The following PIEZO2 variants were observed in gnomAD, a reference collection of about 807,000 sequenced individuals.
The protein encoded by PIEZO2 is piezo type mechanosensitive ion channel component 2, also known as piezo-type mechanosensitive ion channel component 2.
In PIEZO2, 172 loss-of-function variants were observed where a neutral mutation model predicts 337.3. That is an observed-to-expected ratio of 0.51 (90% CI 0.45 to 0.58). PIEZO2 has a LOEUF of 0.58. PIEZO2 is among the 20% of genes least tolerant of loss of function. The pLI, the probability that PIEZO2 is intolerant of heterozygous loss-of-function variation, is 0.00. For missense variants in PIEZO2, 3,028 were observed against 3,391.3 expected (o/e 0.89, Z 2.66); for synonymous variants, 1,251 against 1,228.5 (o/e 1.02, Z -0.38).
rs2036567928 is a variant in PIEZO2, at chr18:11,027,034, A to AT, written c.160+39092dup. On this transcript the variant is annotated intron_variant, in intron 2 of 55. Coordinates refer to ENST00000674853, the MANE Select transcript of PIEZO2 (RefSeq NM_001378183.1). The surrounding 1 kb of genome is among the most constrained non-coding windows in gnomAD (Gnocchi z 4.2). The stretch of plus-strand genomic sequence containing the variant: ...ATGAGACAAGACTCTGCCCAAAAGT[A>AT]TTTTATAAGCCAATTCATATGAAAT... 6.6e-6 allele frequency among the ~76,000 whole-genome samples: 1 copy of AT among 152,244 alleles called. No homozygotes were observed.
In PIEZO2 at chr18:10,853,215, C is replaced by T. The variant is rs1197631866; in HGVS notation, c.917+2138G>A. Among the ~76,000 whole-genome samples, 2 of 152,190 alleles carry T rather than the reference C, an allele frequency of 1.3e-5. No individual in the cohort carries two copies. The highest frequency in any genetic ancestry group is 2.9e-5 in the Non-Finnish European group (2 of 68,036). On this transcript the variant is annotated intron_variant, in intron 7 of 55. Transcript: ENST00000674853. This position sits in a 1 kb window ranked among gnomAD's most constrained non-coding sequence, Gnocchi z 4.2. ...AAGGGCTGGCAGGCCACTGTGCATG[C>T]AGACAGCCCACCCCCAGGGAAGAAT... is the stretch of plus-strand genomic sequence containing the variant.
In PIEZO2 at chr18:10,705,613, T is replaced by G. The variant is rs1351887938; in HGVS notation, c.5722A>C (p.Thr1908Pro). Residue 1908 changes from threonine (T) to proline (P), a missense_variant, in exon 41 of 56, where the codon ACT becomes CCT. Physicochemically the swap from Thr to Pro is conservative, Grantham distance 38. Coordinates refer to ENST00000674853, the MANE Select transcript of PIEZO2 (RefSeq NM_001378183.1). ...EPREAKEYEA[T>P]GYDVGAMGAE... ...CCCATGGCTCCCACATCGTACCCAGTGGCCTCGTACTCCTTGGCCTCCCTG... is the reference window on the plus strand; with the variant it reads ...CCCATGGCTCCCACATCGTACCCAGGGGCCTCGTACTCCTTGGCCTCCCTG... The G allele has an allele frequency of 6.5e-6, 10 of 1,537,182 alleles. No individual in the cohort carries two copies.
Position 11,009,884 on chromosome 18 carries a change from T to C in PIEZO2, c.161-30224A>G, listed in dbSNP as rs1332356665. Among the ~76,000 whole-genome samples the C allele has an allele frequency of 6.6e-6, 1 of 152,110 alleles. No individual in the cohort carries two copies. The highest frequency in any genetic ancestry group is 1.9e-4 in the East Asian group (1 of 5,174). ...GAGACACAAAGAGAAGACAGCCATC[T>C]GCGAGCCAAAGAGAGAGGCCTCAGG... On this transcript the variant is annotated intron_variant, in intron 2 of 55. Coordinates refer to ENST00000674853, the MANE Select transcript of PIEZO2 (RefSeq NM_001378183.1). The surrounding 1 kb of genome is among the most constrained non-coding windows in gnomAD (Gnocchi z 4.6).
intron 34 of PIEZO2, among the ~76,000 whole-genome samples, chr18:10,735,947 C>T (rs1329299785): frequency 2.0e-5 from 3 of 152,190 alleles, no homozygotes; most frequent in East Asian, 1.9e-4. Flanking sequence ...ATTTTCATCC[C>T]ATACATGACT....
chr18:11,046,061 A>G (rs1219813048), intron 2 of PIEZO2, among the ~76,000 whole-genome samples: 1 of 152,186 alleles, frequency 6.6e-6, no homozygotes, highest in Non-Finnish European at 1.5e-5. Flanking sequence ...GTATTTAAAA[A>G]TTCCCCAGGC....
chr18:10,823,389 G>T (rs548959198), intron 7 of PIEZO2, among the ~76,000 whole-genome samples: 1 of 151,602 alleles, frequency 6.6e-6, no homozygotes, highest in Non-Finnish European at 1.5e-5. Context: ...GACTTAAATT[G>T]TCCACTCAAC....
At chr18:10,936,979 G>A (rs1457932225) in intron 3 of PIEZO2, among the ~76,000 whole-genome samples, 4 of 152,164 alleles carry the variant, frequency 2.6e-5, no homozygotes, top group African/African-American at 9.7e-5. Context: ...GATCTGGGAA[G>A]TTTTTAAGCT....
intron 23 of PIEZO2, among the ~76,000 whole-genome samples, chr18:10,761,370 CA>C (rs1256055714): frequency 6.6e-6 from 1 of 152,180 alleles, no homozygotes; most frequent in African/African-American, 2.4e-5. Flanking sequence ...CTACTTCTCA[CA>C]ACTACACATC....
At chr18:10,683,430 A>T (rs1267546994) in intron 49 of PIEZO2, among the ~76,000 whole-genome samples, 1 of 152,242 alleles carries the variant, frequency 6.6e-6, no homozygotes, top group African/African-American at 2.4e-5. Flanking sequence ...AATGCACCCT[A>T]TGGATCTGCA....
chr18:10,863,163 T>C lies in PIEZO2; in HGVS notation c.493-5952A>G, dbSNP rs545199886. 5.9e-5 allele frequency among the ~76,000 whole-genome samples: 9 copies of C among 152,314 alleles called. No individual in the cohort carries two copies. The highest frequency in any genetic ancestry group is 1.9e-4 in the African/African-American group (8 of 41,556). ...TATTATTAAAAGTTAACAATTTATC[T>C]TAACAGAATGGGTTCATCTCAATAC... On this transcript the variant is annotated intron_variant, in intron 5 of 55. Coordinates refer to ENST00000674853, the MANE Select transcript of PIEZO2 (RefSeq NM_001378183.1). The surrounding 1 kb of genome is among the most constrained non-coding windows in gnomAD (Gnocchi z 4.3).
In PIEZO2 at chr18:10,682,416, T is replaced by G; in HGVS notation, c.7498-124A>C. On this transcript the variant is annotated intron_variant, in intron 49 of 55. Coordinates refer to ENST00000674853, the MANE Select transcript of PIEZO2 (RefSeq NM_001378183.1). The surrounding 1 kb of genome is among the most constrained non-coding windows in gnomAD (Gnocchi z 5.6). ...GGAACATGGATTTGGCCCTGAATCT[T>G]CTCTGTTCGCTCTGAAATGGGGATA... 3.5e-6 allele frequency: 3 copies of G among 848,860 alleles called. No individual in the cohort carries two copies. In the South Asian group the frequency reaches 5.5e-5, roughly 15 times the overall value. The allele number at this position is 848,860 out of a possible 1,614,324, so 52.6% of individuals were successfully genotyped here. A position where few individuals can be genotyped will look rare whatever the true frequency, so the allele number is the denominator to read the frequency against.
intron 5 of PIEZO2, among the ~76,000 whole-genome samples, chr18:10,866,342 G>A (rs1488394138): frequency 6.7e-6 from 1 of 150,016 alleles, no homozygotes; most frequent in East Asian, 2.0e-4. Context: ...ATGGAGTGCA[G>A]TGGCGTGACC....
intron 7 of PIEZO2, among the ~76,000 whole-genome samples, chr18:10,844,094 G>T (rs2041275406): frequency 6.6e-6 from 1 of 152,210 alleles, no homozygotes; most frequent in African/African-American, 2.4e-5. Flanking sequence ...AAGTCAGAGA[G>T]AATTGGGCTC....
intron 45 of PIEZO2, 102 bp downstream of exon 45, chr18:10,697,646 A>T: frequency 2.8e-6 from 4 of 1,441,020 alleles, no homozygotes; most frequent in Non-Finnish European, 3.7e-6. Context: ...AACATTTGTG[A>T]CACGAGAAGT....
Position 10,925,771 on chromosome 18 carries a change from G to T in PIEZO2, c.287-14543C>A, listed in dbSNP as rs149769086. 8.3e-3 allele frequency among the ~76,000 whole-genome samples: 1,257 copies of T among 152,126 alleles called. 26 individuals are homozygous for T. The highest frequency in any genetic ancestry group is 0.028 in the African/African-American group (1,167 of 41,504). On this transcript the variant is annotated intron_variant, in intron 3 of 55. Transcript: ENST00000674853. The stretch of plus-strand genomic sequence containing the variant: ...TTTTAGTAGAGACTGGTTTTCACTG[G>T]GTTAGCCAGGATGGTCTCGATCTCC...
chr18:10,758,037 C>T lies in PIEZO2; in HGVS notation c.3855G>A (p.Glu1285=). 1.3e-6 allele frequency: 2 copies of T among 1,537,196 alleles called. No homozygotes were observed. ...AVRIMAGDNV[E]ICMNLDAASF... is the part of the protein sequence containing the mutation. ...AGGCCGCATCAAGGTTCATGCAGATCTCGACATTGTCACCTGCCATGATTC... is the reference window on the plus strand; with the variant it reads ...AGGCCGCATCAAGGTTCATGCAGATTTCGACATTGTCACCTGCCATGATTC... Residue 1285 remains glutamate (E), a synonymous_variant, in exon 27 of 56, where the codon GAG becomes GAA. Coordinates refer to ENST00000674853, the MANE Select transcript of PIEZO2 (RefSeq NM_001378183.1).
chr18:10,728,517 T>G (rs532970401), intron 36 of PIEZO2: 1 of 152,228 alleles, frequency 6.6e-6, no homozygotes, highest in East Asian at 1.9e-4. Flanking sequence ...GGTGAGAGGA[T>G]TGAATAAATT....
intron 4 of PIEZO2, among the ~76,000 whole-genome samples, chr18:10,887,529 T>C (rs1189630105): frequency 1.3e-5 from 2 of 152,016 alleles, no homozygotes; most frequent in African/African-American, 2.4e-5. Context: ...TGGGGACAAA[T>C]ACCCAAACCA....
At position 10,809,237 on chromosome 18, in the gene PIEZO2, C is replaced by G. The variant is rs1010708592; in HGVS notation, c.918-1963G>C. Among the ~76,000 whole-genome samples, 7 of 141,574 alleles carry G rather than the reference C, an allele frequency of 4.9e-5. No individual in the cohort carries two copies. In the South Asian group the frequency reaches 1.7e-3, roughly 34 times the overall value. The allele number at this position is 141,574 out of a possible 152,430, so 92.9% of individuals were successfully genotyped here. On this transcript the variant is annotated intron_variant, in intron 7 of 55. Coordinates refer to ENST00000674853, the MANE Select transcript of PIEZO2 (RefSeq NM_001378183.1). ...TCAAGCTATGCAAATACTATAAAAC[C>G]TAAGATTTCTCTCTCTCTCTCTCTT... is the stretch of plus-strand genomic sequence containing the variant.
Sources: allele counts gnomAD v4.1 joint callset (sites outside exome capture counted in the v4.1 genomes callset), GRCh38; gene constraint gnomAD v4.1.1; non-coding constraint Gnocchi (gnomAD v3.1); transcripts MANE v1.5; gene names NCBI Gene and HGNC (gene_info 2026-07-23, HGNC 2026-07-21).